The following TMEM17 variants were observed in gnomAD, a reference collection of about 807,000 sequenced individuals.
The protein encoded by TMEM17 is transmembrane protein 17.
Under a neutral mutation model 19.1 loss-of-function variants are expected in TMEM17, and 15 were observed. The ratio of observed to expected loss-of-function variants is 0.78; its 90% CI spans 0.52 to 1.21. The LOEUF (loss-of-function observed/expected upper bound fraction) is 1.21. Ranked by LOEUF, TMEM17 falls within the 50% of genes most tolerant of loss-of-function variation. The pLI, the probability that TMEM17 is intolerant of heterozygous loss-of-function variation, is 0.00. For missense variants in TMEM17, 245 were observed against 242.3 expected (o/e 1.01, Z -0.07); for synonymous variants, 103 against 86.9 (o/e 1.19, Z -1.03).
the TMEM17 span, among the ~76,000 whole-genome samples, chr2:62,461,099 C>T: frequency 6.6e-6 from 1 of 152,216 alleles, no homozygotes; most frequent in Admixed American, 6.5e-5. Context: ...CACAGAGGAA[C>T]TGAGTCCTGG....
chr2:62,461,141 C>T, the TMEM17 span, among the ~76,000 whole-genome samples: 4 of 152,214 alleles, frequency 2.6e-5, no homozygotes, highest in Admixed American at 6.5e-5. Flanking sequence ...GCTCCTGTGA[C>T]GTTTCTTCAA....
the TMEM17 span, chr2:62,463,781 T>A: frequency 6.6e-6 from 1 of 152,148 alleles, no homozygotes; most frequent in Non-Finnish European, 1.5e-5. Context: ...AAATGTTGCG[T>A]TTTCCTAAAT....
chr2:62,486,038 G>T, the TMEM17 span, among the ~76,000 whole-genome samples: 2 of 152,136 alleles, frequency 1.3e-5, no homozygotes, highest in Non-Finnish European at 2.9e-5. Flanking sequence ...TAATTGCATA[G>T]TTCAATGTCC....
At chr2:62,502,294 C>A in intron 3 of TMEM17, 143 bp downstream of exon 3, 1 of 531,382 alleles carries the variant, frequency 1.9e-6, no homozygotes, top group Non-Finnish European at 3.4e-6. Context: ...AGCAAACAGA[C>A]CACAGTGACA....
chr2:62,490,903 C>T, the TMEM17 span, among the ~76,000 whole-genome samples: 2 of 151,692 alleles, frequency 1.3e-5, no homozygotes, highest in African/African-American at 4.8e-5. Flanking sequence ...ATGGTGAGAC[C>T]CTGTCTCTAC....
intron 1 of TMEM17, among the ~76,000 whole-genome samples, chr2:62,505,534 G>A (rs1423382023): frequency 6.8e-6 from 1 of 146,884 alleles, no homozygotes. Context: ...CTAGGAAAAG[G>A]GAAAAGGCAA....
intron 1 of TMEM17, among the ~76,000 whole-genome samples, chr2:62,503,190 C>A (rs62178013): frequency 0.12 from 18,882 of 152,164 alleles, 1,330 homozygotes; most frequent in Non-Finnish European, 0.16. Context: ...GAATCTCCCA[C>A]AGATAAACTA....
chr2:62,489,053 C>T, the TMEM17 span, among the ~76,000 whole-genome samples: 36 of 152,130 alleles, frequency 2.4e-4, no homozygotes, highest in African/African-American at 8.4e-4. Context: ...ACATATATCC[C>T]CTCAGGTATG....
the TMEM17 span, among the ~76,000 whole-genome samples, chr2:62,493,885 T>C: frequency 1.3e-5 from 2 of 152,224 alleles, no homozygotes; most frequent in Admixed American, 1.3e-4. Flanking sequence ...CCCATTCTCT[T>C]CTACACACCT....
At chr2:62,455,411 T>A in the TMEM17 span, among the ~76,000 whole-genome samples, 62 of 152,362 alleles carry the variant, frequency 4.1e-4, no homozygotes, top group African/African-American at 1.4e-3. Context: ...GCTATGAACA[T>A]TCATAGCTTC....
the TMEM17 span, among the ~76,000 whole-genome samples, chr2:62,469,385 A>G: frequency 6.6e-6 from 1 of 152,168 alleles, no homozygotes; most frequent in South Asian, 2.1e-4. Context: ...TTTTACCTTC[A>G]TTTTCAAACT....
the TMEM17 span, among the ~76,000 whole-genome samples, chr2:62,455,859 AC>A: frequency 6.6e-6 from 1 of 152,102 alleles, no homozygotes; most frequent in Non-Finnish European, 1.5e-5. Context: ...GTTCTTCCAC[AC>A]TTTTGACATT....
chr2:62,480,996 G>A, the TMEM17 span, among the ~76,000 whole-genome samples: 2 of 151,772 alleles, frequency 1.3e-5, no homozygotes, highest in African/African-American at 4.8e-5. Context: ...ATCTATAGGT[G>A]GCTTGGAGTA....
rs1025749042 is a variant in TMEM17 at position 62,501,049 on chromosome 2, C to T, written c.*160G>A. ...TAGGGTTAATATACTGTTTCATATA[C>T]TGTACAAAGTTTCATCATTGCCCCC... is the stretch of plus-strand genomic sequence containing the variant. On this transcript the variant is annotated 3_prime_UTR_variant, in exon 4 of 4. Transcript: ENST00000335390. 2.7e-6 allele frequency: 2 copies of T among 744,976 alleles called. No individual in the cohort carries two copies. Among genetic ancestry groups the T allele is most frequent in the African/African-American group, 3.5e-5 (2 of 56,750 alleles). The allele number at this position is 744,976 out of a possible 1,614,324, so 46.1% of individuals were successfully genotyped here.
At chr2:62,490,586 C>G in the TMEM17 span, among the ~76,000 whole-genome samples, 4 of 151,948 alleles carry the variant, frequency 2.6e-5, no homozygotes, top group Admixed American at 6.6e-5. Flanking sequence ...ATTATAAATA[C>G]TGAAGTATAA....
Position 62,502,762 on chromosome 2 carries a change from T to C in TMEM17, c.133A>G (p.Met45Val). ...TAGTAGGTATTAAAATAAAGTGACA[T>C]CTGCAGTGCCAAACTGGAGACCATT... ...NEMVSSLALQ[M>V]SLYFNTYYFP... Residue 45 changes from methionine (M) to valine (V), a missense_variant, in exon 2 of 4, where the codon ATG (methionine) becomes GTG (valine). Physicochemically the swap from Met to Val is conservative, Grantham distance 21. Transcript: ENST00000335390. 3 of 1,608,078 alleles carry C rather than the reference T, an allele frequency of 1.9e-6. No homozygotes were observed. The highest frequency in any genetic ancestry group is 2.5e-6 in the Non-Finnish European group (3 of 1,178,312).
downstream of TMEM17, among the ~76,000 whole-genome samples, chr2:62,498,799 G>A (rs1182189743): frequency 6.6e-6 from 1 of 151,962 alleles, no homozygotes; most frequent in African/African-American, 2.4e-5. Context: ...TGTTTGTGAA[G>A]TTCAACATTT....
chr2:62,483,106 G>A, the TMEM17 span, among the ~76,000 whole-genome samples: 1 of 152,210 alleles, frequency 6.6e-6, no homozygotes, highest in African/African-American at 2.4e-5. Context: ...TACCCAGCTA[G>A]TTAAGAGGAA....
chr2:62,472,689 T>G, the TMEM17 span, among the ~76,000 whole-genome samples: 1 of 152,250 alleles, frequency 6.6e-6, no homozygotes, highest in East Asian at 1.9e-4. Context: ...TCATGGACAC[T>G]GGGCAATGGG....
Sources: gnomAD v4.1 joint callset for allele counts (sites outside exome capture counted in the v4.1 genomes callset) on GRCh38, gnomAD v4.1.1 for gene constraint, MANE v1.5 for transcripts, NCBI Gene and HGNC (gene_info 2026-07-23, HGNC 2026-07-21) for gene names.